NBEA: variants seen among roughly 807,000 people sequenced by gnomAD.
NBEA encodes lysosomal-trafficking regulator 2.
Under a neutral mutation model 343.4 loss-of-function variants are expected in NBEA, and 44 were observed. That is an observed-to-expected ratio of 0.13 (90% CI 0.10 to 0.16). The LOEUF (loss-of-function observed/expected upper bound fraction) is 0.16. NBEA is among the 10% of genes least tolerant of loss of function. The pLI, the probability that NBEA is intolerant of heterozygous loss-of-function variation, is 1.00. For missense variants in NBEA, 2,555 were observed against 3,631.3 expected (o/e 0.70, Z 7.62); for synonymous variants, 1,175 against 1,238.7 (o/e 0.95, Z 1.08).
intron 10 of NBEA, among the ~76,000 whole-genome samples, chr13:35,080,063 T>C (rs1191519829): frequency 6.6e-6 from 1 of 152,210 alleles, no homozygotes; most frequent in South Asian, 2.1e-4. Flanking sequence ...CTTTCTGCAC[T>C]GTGTAGTTTT....
intron 49 of NBEA, among the ~76,000 whole-genome samples, chr13:35,629,317 T>A (rs1225357308): frequency 6.6e-6 from 1 of 152,212 alleles, no homozygotes; most frequent in Non-Finnish European, 1.5e-5. Flanking sequence ...TTATTTTTTA[T>A]TTTAAAGGTG....
At chr13:35,130,072 A>T (rs2067333142) in intron 17 of NBEA, among the ~76,000 whole-genome samples, 1 of 152,252 alleles carries the variant, frequency 6.6e-6, no homozygotes, top group South Asian at 2.1e-4. Context: ...ATATATTTTT[A>T]TTTGCATTTA....
chr13:35,382,996 T>C (rs1057181874), intron 38 of NBEA, among the ~76,000 whole-genome samples: 1 of 152,200 alleles, frequency 6.6e-6, no homozygotes, highest in African/African-American at 2.4e-5. Flanking sequence ...CAGGCACTAA[T>C]TGATAATACA....
chr13:35,049,553 A>G (rs2062991085), intron 5 of NBEA, among the ~76,000 whole-genome samples: 1 of 151,814 alleles, frequency 6.6e-6, no homozygotes, highest in South Asian at 2.1e-4. Flanking sequence ...CTATTATAAA[A>G]TATATATGGA....
At chr13:35,538,793 T>C (rs9530690) in intron 41 of NBEA, among the ~76,000 whole-genome samples, 12,616 of 152,328 alleles carry the variant, frequency 0.083, 792 homozygotes, top group East Asian at 0.31. Context: ...TTCTGATTTT[T>C]GAACATTTTG....
At chr13:35,559,344 G>A (rs2079741556) in intron 44 of NBEA, among the ~76,000 whole-genome samples, 1 of 152,034 alleles carries the variant, frequency 6.6e-6, no homozygotes, top group Admixed American at 6.6e-5. Flanking sequence ...AACGAACACG[G>A]GTCCTAAAAA....
intron 1 of NBEA, among the ~76,000 whole-genome samples, chr13:35,035,587 T>C (rs957087057): frequency 7.9e-5 from 12 of 152,114 alleles, no homozygotes; most frequent in African/African-American, 2.2e-4. Flanking sequence ...CTGAAAGATG[T>C]GTCCAGTGCT....
At chr13:35,153,864 T>C (rs1295882275) in intron 18 of NBEA, among the ~76,000 whole-genome samples, 2 of 152,210 alleles carry the variant, frequency 1.3e-5, no homozygotes, top group Non-Finnish European at 2.9e-5. Context: ...TCTCATCCAC[T>C]GGGCTATAGG....
chr13:35,147,506 T>C (rs935780943), intron 18 of NBEA, among the ~76,000 whole-genome samples: 10 of 152,110 alleles, frequency 6.6e-5, no homozygotes, highest in Admixed American at 5.9e-4. Flanking sequence ...CCAGCAGGGC[T>C]CAGTTCCCTT....
At chr13:35,334,779 G>A (rs188058250) in intron 36 of NBEA, among the ~76,000 whole-genome samples, 8 of 152,204 alleles carry the variant, frequency 5.3e-5, no homozygotes, top group African/African-American at 1.9e-4. Flanking sequence ...AGGTAGTTTG[G>A]AAATATTTTC....
intron 1 of NBEA, among the ~76,000 whole-genome samples, chr13:34,973,007 G>A (rs1408169253): frequency 1.3e-5 from 2 of 152,092 alleles, no homozygotes; most frequent in South Asian, 2.1e-4. Flanking sequence ...CTCACCTTTG[G>A]ATTTTTTTTT....
intron 38 of NBEA, among the ~76,000 whole-genome samples, chr13:35,369,551 T>C (rs1021710645): frequency 5.3e-5 from 8 of 151,926 alleles, no homozygotes; most frequent in African/African-American, 1.9e-4. Context: ...TTATATTTTA[T>C]TCAGTTTTGT....
chr13:35,018,684 C>A, intron 1 of NBEA, among the ~76,000 whole-genome samples: 1 of 152,070 alleles, frequency 6.6e-6, no homozygotes, highest in Non-Finnish European at 1.5e-5. Flanking sequence ...GGTTTGTGAA[C>A]AGAGATAGTT....
chr13:35,520,886 GA>G (rs1240115983), intron 41 of NBEA, among the ~76,000 whole-genome samples: 3 of 152,082 alleles, frequency 2.0e-5, no homozygotes, highest in African/African-American at 7.2e-5. Flanking sequence ...TACTATAAAT[GA>G]AACTTTTTTC....
intron 1 of NBEA, among the ~76,000 whole-genome samples, chr13:34,967,707 A>G (rs569176876): frequency 6.6e-6 from 1 of 152,240 alleles, no homozygotes; most frequent in African/African-American, 2.4e-5. Flanking sequence ...TTTGTGGGCC[A>G]CATGGTGTCT....
intron 39 of NBEA, 102 bp from the exon 40 acceptor site, chr13:35,451,990 A>C: frequency 1.2e-6 from 1 of 824,224 alleles, no homozygotes; most frequent in Non-Finnish European, 1.9e-6. Context: ...GTAATATGTA[A>C]ATGCAGCATA....
At chr13:35,032,175 A>T (rs1018420292) in intron 1 of NBEA, among the ~76,000 whole-genome samples, 9 of 151,936 alleles carry the variant, frequency 5.9e-5, no homozygotes, top group African/African-American at 2.2e-4. Flanking sequence ...CAGTAATGGG[A>T]TTGCTGGGTC....
intron 41 of NBEA, among the ~76,000 whole-genome samples, chr13:35,490,092 C>T (rs562044481): frequency 7.2e-5 from 11 of 151,794 alleles, no homozygotes; most frequent in African/African-American, 1.4e-4. Context: ...TTTTGTTGTG[C>T]GGGTTCAGAT....
intron 17 of NBEA, among the ~76,000 whole-genome samples, chr13:35,127,423 A>G (rs1185866307): frequency 2.0e-5 from 3 of 152,230 alleles, no homozygotes; most frequent in Non-Finnish European, 4.4e-5. Flanking sequence ...AAATTTAACC[A>G]TAAAACTAAG....
Sources: gnomAD v4.1 joint callset for allele counts (sites outside exome capture counted in the v4.1 genomes callset) on GRCh38, gnomAD v4.1.1 for gene constraint, MANE v1.5 for transcripts, NCBI Gene and HGNC (gene_info 2026-07-23, HGNC 2026-07-21) for gene names.